GMDS: variants seen among roughly 807,000 people sequenced by gnomAD.
GMDS encodes the protein GDP-mannose 4,6-dehydratase, also known as GDP-mannose 4,6 dehydratase.
A neutral mutation model predicts 49.9 loss-of-function variants in GMDS; 20 were observed. The observed-to-expected ratio is 0.40, with a 90% CI of 0.28 to 0.58. The LOEUF (loss-of-function observed/expected upper bound fraction) is 0.58, where lower values mean the gene tolerates loss of function less well. GMDS is among the 20% of genes least tolerant of loss of function. GMDS has a pLI of 0.42. For missense variants in GMDS, 362 were observed against 481.4 expected, an observed-to-expected ratio of 0.75 and a Z score of 2.32; for synonymous variants, 177 against 178.6, an observed-to-expected ratio of 0.99 and a Z score of 0.07.
At chr6:1,664,066 G>A (rs116420305) in intron 9 of GMDS, among the ~76,000 whole-genome samples, 3,161 of 152,194 alleles carry the variant, frequency 0.021, 111 homozygotes, top group African/African-American at 0.069. Context: ...TGCATGCCCC[G>A]TTATAGTTCT....
chr6:1,951,600 T>G (rs1763345180), intron 6 of GMDS, among the ~76,000 whole-genome samples: 1 of 152,174 alleles, frequency 6.6e-6, no homozygotes, highest in African/African-American at 2.4e-5. Context: ...TTTCACTATA[T>G]TGCTCAGGCT....
intron 4 of GMDS, among the ~76,000 whole-genome samples, chr6:2,063,064 G>A (rs1209592721): frequency 1.3e-5 from 2 of 152,204 alleles, no homozygotes; most frequent in Non-Finnish European, 2.9e-5. Flanking sequence ...GATACAAATT[G>A]TGGCACACAA....
chr6:2,039,027 C>T (rs1220031006), intron 4 of GMDS, among the ~76,000 whole-genome samples: 4 of 152,146 alleles, frequency 2.6e-5, no homozygotes, highest in African/African-American at 9.7e-5. Flanking sequence ...AGTGAATTTA[C>T]ATAAACCTGG....
chr6:2,096,038 C>A (rs1188361714), intron 4 of GMDS, among the ~76,000 whole-genome samples: 1 of 152,068 alleles, frequency 6.6e-6, no homozygotes, highest in African/African-American at 2.4e-5. Flanking sequence ...GGAATTCCTA[C>A]AAATTAGCAA....
intron 4 of GMDS, among the ~76,000 whole-genome samples, chr6:2,088,940 G>T (rs1773162896): frequency 6.6e-6 from 1 of 152,300 alleles, no homozygotes; most frequent in South Asian, 2.1e-4. Flanking sequence ...AAGGGAGGCA[G>T]GTGACTGAAC....
At chr6:1,817,045 G>A (rs1770701415) in intron 7 of GMDS, among the ~76,000 whole-genome samples, 1 of 148,558 alleles carries the variant, frequency 6.7e-6, no homozygotes, top group South Asian at 2.2e-4. Flanking sequence ...CCATACCTAA[G>A]AAAAGCGGCA....
At chr6:1,878,204 A>G (rs1759182337) in intron 7 of GMDS, among the ~76,000 whole-genome samples, 1 of 150,890 alleles carries the variant, frequency 6.6e-6, no homozygotes, top group South Asian at 2.1e-4. Context: ...AGTCCCAGCT[A>G]CTTGGGAGGC....
chr6:2,147,956 C>T (rs1351109105), intron 1 of GMDS, among the ~76,000 whole-genome samples: 1 of 151,476 alleles, frequency 6.6e-6, no homozygotes, highest in Admixed American at 6.6e-5. Flanking sequence ...TATTGACTCA[C>T]ATTTGAAATA....
chr6:2,113,365 T>TA (rs1774659493), intron 4 of GMDS, among the ~76,000 whole-genome samples: 1 of 152,028 alleles, frequency 6.6e-6, no homozygotes, highest in Non-Finnish European at 1.5e-5. Context: ...TCTAGACTCT[T>TA]ACCTCTAGAA....
intron 9 of GMDS, among the ~76,000 whole-genome samples, chr6:1,696,883 A>G (rs936928075): frequency 3.9e-5 from 6 of 152,202 alleles, no homozygotes; most frequent in African/African-American, 1.4e-4. Flanking sequence ...TAAAACAACA[A>G]GTGTTTGGCC....
In GMDS at chr6:1,878,314, CAAAAAAAAAAA is replaced by C. The variant is rs11463549; in HGVS notation, c.771+51778_771+51788del. Among the ~76,000 whole-genome samples, 4 of 72,530 alleles carry C rather than the reference CAAAAAAAAAAA, an allele frequency of 5.5e-5. No homozygotes were observed. The Admixed American group carries it at 7.0e-4, about 13-fold the overall frequency. 47.6% of individuals were successfully genotyped at this position (72,530 alleles called of 152,430 possible). A position where few individuals can be genotyped will look rare whatever the true frequency, so the allele number is the denominator to read the frequency against. On this transcript the variant is annotated intron_variant, in intron 7 of 10. Transcript: ENST00000380815. ...TGGGTGACAGAGCGAGAATCCATCT[CAAAAAAAAAAA>C]AAAAAAAAAAAAAGTTATCCAGGCA...
chr6:1,736,088 T>C (rs1391335762), intron 8 of GMDS, among the ~76,000 whole-genome samples: 2 of 152,232 alleles, frequency 1.3e-5, no homozygotes, highest in South Asian at 2.1e-4. Flanking sequence ...ACCTGGTGAA[T>C]TGCATCAACT....
intron 7 of GMDS, among the ~76,000 whole-genome samples, chr6:1,908,106 A>T (rs776354827): frequency 6.6e-5 from 10 of 152,200 alleles, no homozygotes; most frequent in Non-Finnish European, 1.5e-4. Context: ...TCAACAGTCA[A>T]TCTGATAACC....
chr6:1,770,422 CTTG>C (rs1174052079), intron 7 of GMDS, among the ~76,000 whole-genome samples: 5 of 152,246 alleles, frequency 3.3e-5, no homozygotes, highest in Non-Finnish European at 7.3e-5. Context: ...ACTATCGAAT[CTTG>C]TTGTGGCAGC....
At chr6:2,023,485 C>A (rs1001332105) in intron 4 of GMDS, among the ~76,000 whole-genome samples, 7 of 152,228 alleles carry the variant, frequency 4.6e-5, no homozygotes, top group Non-Finnish European at 7.3e-5. Context: ...CCTTCAGGGG[C>A]CCTTCTGCAG....
At chr6:1,792,680 C>T (rs1769590712) in intron 7 of GMDS, among the ~76,000 whole-genome samples, 1 of 152,084 alleles carries the variant, frequency 6.6e-6, no homozygotes, top group Non-Finnish European at 1.5e-5. Flanking sequence ...ATCTGTAATA[C>T]CTTGACTTGG....
intron 9 of GMDS, among the ~76,000 whole-genome samples, chr6:1,709,349 G>A (rs761758557): frequency 1.6e-4 from 25 of 152,354 alleles, no homozygotes; most frequent in African/African-American, 3.4e-4. Context: ...CAGAGGCTTC[G>A]TGGGGGAGCA....
intron 9 of GMDS, among the ~76,000 whole-genome samples, chr6:1,655,094 A>G (rs1055430793): frequency 6.6e-6 from 1 of 151,744 alleles, no homozygotes; most frequent in Non-Finnish European, 1.5e-5. Flanking sequence ...CTGATACTTA[A>G]CTTGAAAAAT....
At chr6:1,773,322 T>C (rs1768660620) in intron 7 of GMDS, among the ~76,000 whole-genome samples, 1 of 152,284 alleles carries the variant, frequency 6.6e-6, no homozygotes, top group South Asian at 2.1e-4. Flanking sequence ...TACTGAATAA[T>C]TCTCTAAATA....
Sources: allele counts gnomAD v4.1 joint callset (sites outside exome capture counted in the v4.1 genomes callset), GRCh38; gene constraint gnomAD v4.1.1; transcripts MANE v1.5; gene names NCBI Gene and HGNC (gene_info 2026-07-23, HGNC 2026-07-21).